The following DOK6 variants were observed in gnomAD, a reference collection of about 807,000 sequenced individuals.
The protein encoded by DOK6 is docking protein 6.
In DOK6, 22 loss-of-function variants were observed where a neutral mutation model predicts 44.0. The observed-to-expected ratio is 0.50, with a 90% CI of 0.36 to 0.71. The LOEUF (loss-of-function observed/expected upper bound fraction) is 0.71, where lower values mean the gene tolerates loss of function less well. Among genes scored for constraint, DOK6 ranks in the 30% least tolerant of loss-of-function variants. The pLI is 0.00. For missense variants in DOK6, 340 were observed against 416.4 expected, an observed-to-expected ratio of 0.82 and a Z score of 1.60; for synonymous variants, 166 against 145.5, an observed-to-expected ratio of 1.14 and a Z score of -1.01.
At chr18:69,648,355 A>G (rs1399007807) in intron 3 of DOK6, among the ~76,000 whole-genome samples, 1 of 152,158 alleles carries the variant, frequency 6.6e-6, no homozygotes, top group Non-Finnish European at 1.5e-5. Flanking sequence ...CCCATTTTCT[A>G]ACCTGTACAC....
intron 3 of DOK6, among the ~76,000 whole-genome samples, chr18:69,655,779 A>C (rs1341508760): frequency 1.2e-4 from 17 of 140,692 alleles, no homozygotes; most frequent in South Asian, 4.3e-4. Context: ...AAAAAAAAAA[A>C]AAAACAAAAG....
At chr18:69,615,784 A>T (rs9953044) in intron 3 of DOK6, among the ~76,000 whole-genome samples, 92,138 of 151,890 alleles carry the variant, frequency 0.61, 28,020 homozygotes, top group South Asian at 0.68. Flanking sequence ...AAGTTTGATG[A>T]AACTAAACTG....
intron 1 of DOK6, among the ~76,000 whole-genome samples, chr18:69,560,566 ATGAAAATCATT>A (rs1346359031): frequency 6.6e-6 from 1 of 152,164 alleles, no homozygotes; most frequent in African/African-American, 2.4e-5. Context: ...TCTCGTAATT[ATGAAAATCATT>A]TGAAAACTTT....
At chr18:69,720,940 AC>A (rs1986992417) in intron 5 of DOK6, among the ~76,000 whole-genome samples, 1 of 152,170 alleles carries the variant, frequency 6.6e-6, no homozygotes, top group African/African-American at 2.4e-5. Flanking sequence ...TTACTTTCCT[AC>A]TAAAATGCCT....
At chr18:69,462,194 T>C (rs1979807702) in intron 1 of DOK6, among the ~76,000 whole-genome samples, 1 of 152,230 alleles carries the variant, frequency 6.6e-6, no homozygotes, top group Non-Finnish European at 1.5e-5. Flanking sequence ...TATTTATTTG[T>C]CTGTATTTCC....
intron 5 of DOK6, among the ~76,000 whole-genome samples, chr18:69,709,615 CATATT>C (rs1350132105): frequency 2.0e-5 from 3 of 151,916 alleles, no homozygotes; most frequent in Non-Finnish European, 4.4e-5. Context: ...ATACACATAT[CATATT>C]ATATGTACTT....
chr18:69,401,945 G>A (rs1025720378), intron 1 of DOK6, among the ~76,000 whole-genome samples: 4 of 152,208 alleles, frequency 2.6e-5, no homozygotes, highest in African/African-American at 4.8e-5. Flanking sequence ...AAAGTTGATG[G>A]AGACCTTTCC....
chr18:69,494,833 C>T (rs78092147), intron 1 of DOK6, among the ~76,000 whole-genome samples: 1,843 of 152,252 alleles, frequency 0.012, 38 homozygotes, highest in African/African-American at 0.042. Flanking sequence ...CTTGGGGTGA[C>T]GCATTTCTGG....
chr18:69,464,507 G>A (rs1427299173), intron 1 of DOK6, among the ~76,000 whole-genome samples: 1 of 152,148 alleles, frequency 6.6e-6, no homozygotes, highest in Non-Finnish European at 1.5e-5. Context: ...TATGAGAAGA[G>A]GAAGCTAATA....
chr18:69,507,691 TTATATATATAAA>T (rs1311157319), intron 1 of DOK6, among the ~76,000 whole-genome samples: 2 of 152,032 alleles, frequency 1.3e-5, no homozygotes, highest in Non-Finnish European at 2.9e-5. Context: ...TCTTCATTGT[TTATATATATAAA>T]TAAGTTGCTT....
intron 7 of DOK6, among the ~76,000 whole-genome samples, chr18:69,803,845 A>G (rs2145108723): frequency 6.6e-6 from 1 of 152,242 alleles, no homozygotes; most frequent in South Asian, 2.1e-4. Flanking sequence ...GGCACAGAGC[A>G]AGGCTCCGTC....
intron 1 of DOK6, among the ~76,000 whole-genome samples, chr18:69,509,662 AAC>A (rs1228605743): frequency 5.1e-5 from 6 of 118,216 alleles, no homozygotes; most frequent in African/African-American, 1.6e-4. Context: ...AAAAAAAAAA[AAC>A]ACACAAGTCA....
At chr18:69,617,719 G>GAA (rs1241650525) in intron 3 of DOK6, among the ~76,000 whole-genome samples, 3 of 89,058 alleles carry the variant, frequency 3.4e-5, no homozygotes, top group Non-Finnish European at 7.9e-5. Context: ...AAGAAAGAAA[G>GAA]AAAGAAAAAA....
chr18:69,700,238 T>TATATATA (rs1162107028), intron 5 of DOK6, among the ~76,000 whole-genome samples: 2 of 147,884 alleles, frequency 1.4e-5, no homozygotes, highest in African/African-American at 2.5e-5. Flanking sequence ...TATATATGAA[T>TATATATA]TGAATGTTGT....
chr18:69,673,603 T>C (rs4891768), intron 3 of DOK6, among the ~76,000 whole-genome samples: 16,910 of 152,254 alleles, frequency 0.11, 1,224 homozygotes, highest in South Asian at 0.23. Flanking sequence ...AACCCATTTG[T>C]CACATAATTC....
chr18:69,503,091 A>G (rs1356348155), intron 1 of DOK6, among the ~76,000 whole-genome samples: 1 of 152,122 alleles, frequency 6.6e-6, no homozygotes, highest in Non-Finnish European at 1.5e-5. Context: ...ATATCCTTGC[A>G]TTTTCAAAAT....
intron 5 of DOK6, among the ~76,000 whole-genome samples, chr18:69,715,889 G>C (rs1230795515): frequency 6.6e-6 from 1 of 152,146 alleles, no homozygotes; most frequent in Non-Finnish European, 1.5e-5. Context: ...ACTGTGAATT[G>C]GTTGGTTTGC....
At chr18:69,576,721 T>TA (rs1216525218) in intron 2 of DOK6, among the ~76,000 whole-genome samples, 2 of 152,126 alleles carry the variant, frequency 1.3e-5, no homozygotes, top group Non-Finnish European at 2.9e-5. Flanking sequence ...GGGAAGTTAT[T>TA]AAAAATGCAT....
chr18:69,672,783 G>A (rs1428063219), intron 3 of DOK6, among the ~76,000 whole-genome samples: 2 of 151,920 alleles, frequency 1.3e-5, no homozygotes, highest in African/African-American at 4.8e-5. Flanking sequence ...AGTCACGCCA[G>A]TTTTCAAGAA....
Sources: allele counts gnomAD v4.1 joint callset (sites outside exome capture counted in the v4.1 genomes callset), GRCh38; gene constraint gnomAD v4.1.1; transcripts MANE v1.5; gene names NCBI Gene and HGNC (gene_info 2026-07-23, HGNC 2026-07-21).